The following DEPTOR variants were observed in gnomAD, a reference collection of about 807,000 sequenced individuals.
DEPTOR encodes DEP domain containing MTOR interacting protein.
A neutral mutation model predicts 41.6 loss-of-function variants in DEPTOR; 41 were observed. The ratio of observed to expected loss-of-function variants is 0.98; its 90% CI spans 0.77 to 1.28. The LOEUF is 1.28. Among genes scored for constraint, DEPTOR ranks in the 50% most tolerant of loss-of-function variants. The pLI is 0.00. For missense variants in DEPTOR, 514 were observed against 527.9 expected (o/e 0.97, Z 0.26); for synonymous variants, 195 against 192.3 (o/e 1.01, Z -0.12).
chr8:120,021,223 C>T (rs1193263580), intron 8 of DEPTOR, among the ~76,000 whole-genome samples: 3 of 151,656 alleles, frequency 2.0e-5, no homozygotes, highest in South Asian at 2.1e-4. Flanking sequence ...GCCAACATGG[C>T]GAAACCCCGT....
At chr8:119,880,535 C>T (rs1023532144) in intron 1 of DEPTOR, among the ~76,000 whole-genome samples, 1 of 152,096 alleles carries the variant, frequency 6.6e-6, no homozygotes, top group African/African-American at 2.4e-5. Context: ...ACTAAAACAA[C>T]TTTAAAACAG....
chr8:119,890,451 C>T (rs942614715), intron 1 of DEPTOR, among the ~76,000 whole-genome samples: 1 of 151,934 alleles, frequency 6.6e-6, no homozygotes, highest in South Asian at 2.1e-4. Context: ...TACATGCGCC[C>T]GCCACCATGC....
At chr8:119,917,871 C>G (rs1030812165) in intron 1 of DEPTOR, among the ~76,000 whole-genome samples, 1 of 152,222 alleles carries the variant, frequency 6.6e-6, no homozygotes, top group Non-Finnish European at 1.5e-5. Context: ...AGGGGAAAAC[C>G]GCCTTAGGGC....
intron 1 of DEPTOR, among the ~76,000 whole-genome samples, chr8:119,921,535 G>A (rs985394701): frequency 1.3e-5 from 2 of 152,024 alleles, no homozygotes; most frequent in Non-Finnish European, 2.9e-5. Context: ...TGAGTTCTAG[G>A]CTATATCCTG....
At chr8:119,936,904 G>A (rs1032844675) in intron 3 of DEPTOR, among the ~76,000 whole-genome samples, 3 of 152,218 alleles carry the variant, frequency 2.0e-5, no homozygotes, top group African/African-American at 7.2e-5. Context: ...GGCACCTGTA[G>A]TCCCAGCTAC....
chr8:119,946,235 G>A (rs1297365050), intron 3 of DEPTOR, among the ~76,000 whole-genome samples: 1 of 151,988 alleles, frequency 6.6e-6, no homozygotes, highest in African/African-American at 2.4e-5. Context: ...TAACAAAAGA[G>A]TGTTTCAGTC....
At chr8:119,989,647 T>A (rs1812119350) in intron 4 of DEPTOR, among the ~76,000 whole-genome samples, 1 of 152,264 alleles carries the variant, frequency 6.6e-6, no homozygotes, top group Admixed American at 6.5e-5. Flanking sequence ...CTCATAGTAC[T>A]GTTTTGAGAA....
At chr8:119,989,489 G>A (rs1812111448) in intron 4 of DEPTOR, among the ~76,000 whole-genome samples, 2 of 152,142 alleles carry the variant, frequency 1.3e-5, no homozygotes, top group African/African-American at 2.4e-5. Flanking sequence ...GACCTGGAGT[G>A]AGTCCGTCAG....
rs1313827026 is a variant in DEPTOR, at chr8:119,929,882, C to T, written c.369C>T (p.Thr123=). The T allele has an allele frequency of 3.1e-6, 5 of 1,613,710 alleles. No individual in the cohort carries two copies. The Admixed American group carries it at 5.0e-5, about 16-fold the overall frequency. The change falls in exon 3 of 9, where the codon ACC becomes ACT. Residue 123 remains threonine (T), a synonymous_variant. Transcript: ENST00000286234. The part of the protein sequence containing the change: ...LFYRFRKDDG[T]FPLDNEVKAF... ...ACCGCTTTAGAAAGGATGACGGCAC[C>T]TTCCCATTGGATAATGAAGTGAAGG...
At chr8:119,881,528 A>C (rs899907933) in intron 1 of DEPTOR, among the ~76,000 whole-genome samples, 1 of 151,756 alleles carries the variant, frequency 6.6e-6, no homozygotes, top group African/African-American at 2.4e-5. Context: ...TGTCTCAAAA[A>C]AAATAATAAA....
In DEPTOR at chr8:120,025,988, T is replaced by A. The variant is rs1158324243; in HGVS notation, c.1101+16855T>A. Among the ~76,000 whole-genome samples, 11 of 149,844 alleles carry A rather than the reference T, an allele frequency of 7.3e-5. No homozygotes were observed. In the Admixed American group the frequency reaches 7.3e-4, roughly 10 times the overall value. ...AGCTTTCTCTCTTAGGACTTTTGAT[T>A]TTTTTTTTTTTTTCTGAGACCGAGT... On this transcript the variant is annotated intron_variant, in intron 8 of 8. Transcript: ENST00000286234.
At chr8:119,983,127 C>A (rs1879151) in intron 4 of DEPTOR, among the ~76,000 whole-genome samples, 1,915 of 152,208 alleles carry the variant, frequency 0.013, 16 homozygotes, top group Middle Eastern at 0.058. Flanking sequence ...ATGGGTATAC[C>A]GATGTTAATG....
intron 8 of DEPTOR, among the ~76,000 whole-genome samples, chr8:120,041,848 T>A (rs1563600997): frequency 6.6e-6 from 1 of 152,168 alleles, no homozygotes; most frequent in Non-Finnish European, 1.5e-5. Flanking sequence ...TTCTTAGAAC[T>A]TTCCTCCAGT....
chr8:119,952,151 G>A (rs1283521089), intron 3 of DEPTOR, among the ~76,000 whole-genome samples: 1 of 151,536 alleles, frequency 6.6e-6, no homozygotes, highest in Non-Finnish European at 1.5e-5. Context: ...AAAAGAGGAA[G>A]TCAAAGAATT....
At chr8:120,047,094 G>A (rs1000971277) in intron 8 of DEPTOR, among the ~76,000 whole-genome samples, 1 of 152,112 alleles carries the variant, frequency 6.6e-6, no homozygotes, top group Non-Finnish European at 1.5e-5. Flanking sequence ...CAGAATCTCG[G>A]CCCACTGCAA....
At chr8:120,008,819 C>A (rs1812488320) in intron 7 of DEPTOR, among the ~76,000 whole-genome samples, 2 of 152,272 alleles carry the variant, frequency 1.3e-5, no homozygotes, top group African/African-American at 4.8e-5. Context: ...TTCTGCCAAA[C>A]AGGTTAGATT....
intron 4 of DEPTOR, among the ~76,000 whole-genome samples, chr8:119,991,365 G>C (rs1812170508): frequency 6.6e-6 from 1 of 151,896 alleles, no homozygotes; most frequent in Non-Finnish European, 1.5e-5. Context: ...TCCCAGGCTG[G>C]AGTGCAGTGG....
At chr8:120,000,015 C>T (rs1395016563) in intron 4 of DEPTOR, among the ~76,000 whole-genome samples, 5 of 152,138 alleles carry the variant, frequency 3.3e-5, no homozygotes, top group East Asian at 3.8e-4. Context: ...TAGACTGTAC[C>T]GATGTCAACA....
At chr8:119,920,026 T>C (rs1827869480) in intron 1 of DEPTOR, among the ~76,000 whole-genome samples, 1 of 152,140 alleles carries the variant, frequency 6.6e-6, no homozygotes, top group Non-Finnish European at 1.5e-5. Flanking sequence ...TGGACAGGAA[T>C]AGAACATTAC....
Sources: allele counts gnomAD v4.1 joint callset (sites outside exome capture counted in the v4.1 genomes callset), GRCh38; gene constraint gnomAD v4.1.1; transcripts MANE v1.5; gene names NCBI Gene and HGNC (gene_info 2026-07-23, HGNC 2026-07-21).